TDP1: variants seen among roughly 807,000 people sequenced by gnomAD.
The protein encoded by TDP1 is tyr-DNA phosphodiesterase 1.
Under a neutral mutation model 81.5 loss-of-function variants are expected in TDP1, and 64 were observed. The observed-to-expected ratio is 0.79, with a 90% CI of 0.64 to 0.97. The LOEUF (loss-of-function observed/expected upper bound fraction) is 0.97, where lower values mean the gene tolerates loss of function less well. TDP1 is among the 50% of genes least tolerant of loss of function. TDP1 has a pLI of 0.00. For missense variants in TDP1, 723 were observed against 743.8 expected (o/e 0.97, Z 0.33); for synonymous variants, 256 against 264.3 (o/e 0.97, Z 0.30).
At chr14:89,989,632 AT>A (rs1443644963) in intron 11 of TDP1, 84 bp from the exon 12 acceptor site, 1 of 1,244,428 alleles carries the variant, frequency 8.0e-7, no homozygotes, top group Non-Finnish European at 1.2e-6. Flanking sequence ...TTTTTAACAG[AT>A]TTTCATTTCC....
At chr14:90,006,018 A>C (rs915129069) in intron 14 of TDP1, among the ~76,000 whole-genome samples, 1 of 152,220 alleles carries the variant, frequency 6.6e-6, no homozygotes, top group African/African-American at 2.4e-5. Context: ...GGTAGGCTGG[A>C]CTATGCCATC....
intron 2 of TDP1, among the ~76,000 whole-genome samples, chr14:89,960,775 C>T (rs1452256181): frequency 1.3e-5 from 2 of 152,158 alleles, no homozygotes; most frequent in Non-Finnish European, 2.9e-5. Context: ...TTACAGAAGG[C>T]TTGCTTAACT....
intron 14 of TDP1, among the ~76,000 whole-genome samples, chr14:90,018,697 G>A (rs1166383187): frequency 2.0e-5 from 3 of 151,852 alleles, no homozygotes; most frequent in Admixed American, 6.6e-5. Context: ...CGCCCGCCTC[G>A]GCCTCCCAAA....
intron 6 of TDP1, among the ~76,000 whole-genome samples, chr14:89,973,960 G>A (rs1893965155): frequency 6.6e-6 from 1 of 152,080 alleles, no homozygotes; most frequent in South Asian, 2.1e-4. Context: ...GGTAGCTCTT[G>A]TATAAGGACA....
chr14:90,006,354 T>A (rs1355121593), intron 14 of TDP1, among the ~76,000 whole-genome samples: 1 of 152,160 alleles, frequency 6.6e-6, no homozygotes, highest in Non-Finnish European at 1.5e-5. Flanking sequence ...TGCATCCTCT[T>A]AGTAGTTAAT....
chr14:89,981,446 A>G (rs1323351554), intron 8 of TDP1: 2 of 454,218 alleles, frequency 4.4e-6, no homozygotes, highest in Non-Finnish European at 8.8e-6. Flanking sequence ...ACTAACTTTA[A>G]TTTTCTTTTG....
At chr14:89,981,579 A>G (rs761292850) in intron 8 of TDP1, 3 of 433,108 alleles carry the variant, frequency 6.9e-6, no homozygotes, top group Non-Finnish European at 1.4e-5. Flanking sequence ...TTTCTCTGTC[A>G]TCCTCCTCTG....
chr14:89,980,891 A>AT (rs902808582), intron 8 of TDP1, among the ~76,000 whole-genome samples: 3 of 152,222 alleles, frequency 2.0e-5, no homozygotes, highest in African/African-American at 7.2e-5. Flanking sequence ...ATACATTACT[A>AT]TTTACACACA....
chr14:90,003,069 C>G (rs2140183596), intron 14 of TDP1, among the ~76,000 whole-genome samples: 1 of 152,224 alleles, frequency 6.6e-6, no homozygotes, highest in East Asian at 1.9e-4. Context: ...TCCCGAGTAG[C>G]TGGGACTACA....
intron 15 of TDP1, among the ~76,000 whole-genome samples, chr14:90,031,706 C>T (rs1056680736): frequency 6.6e-6 from 1 of 152,164 alleles, no homozygotes; most frequent in Non-Finnish European, 1.5e-5. Context: ...CACTCAACAT[C>T]TGTTTTAGTC....
In TDP1 at chr14:89,989,808, T is replaced by A. The variant is rs998251793; in HGVS notation, c.1366+43T>A. ...TGTCTTGATTGTGTTTTATGTATAT[T>A]TCATGAATGTCCTGGTAAAGTTTTA... is the stretch of plus-strand genomic sequence containing the variant. On this transcript the variant is annotated intron_variant, in intron 12 of 16. Transcript: ENST00000335725. The A allele has an allele frequency of 2.8e-6, 4 of 1,443,332 alleles. No individual in the cohort carries two copies. In the South Asian group the frequency reaches 4.6e-5, roughly 17 times the overall value. 89.4% of individuals were successfully genotyped at this position (1,443,332 alleles called of 1,614,324 possible).
At chr14:89,971,035 C>T in intron 5 of TDP1, 140 bp from the exon 6 acceptor site, 1 of 689,342 alleles carries the variant, frequency 1.5e-6, no homozygotes, top group East Asian at 3.1e-5. Flanking sequence ...GGGGTTTCAC[C>T]ATGTTGGCCA....
At chr14:89,960,565 T>C (rs1319940524) in intron 2 of TDP1, among the ~76,000 whole-genome samples, 2 of 152,190 alleles carry the variant, frequency 1.3e-5, no homozygotes, top group Admixed American at 1.3e-4. Flanking sequence ...AAAGCAGATA[T>C]GAGGGCTCAA....
In TDP1 at chr14:90,033,171, T is replaced by C; in HGVS notation, c.1710T>C (p.Phe570=). The change falls in exon 16 of 17, where the codon TTT becomes TTC. Residue 570 remains phenylalanine, a synonymous_variant. Transcript: ENST00000335725. ...FAGSQEPMAT[F]PVPYDLPPEL... is the part of the protein sequence containing the mutation. ...GCAGCCAGGAGCCAATGGCCACCTT[T>C]CCTGTGCCATATGATTTGCCTCCAG... 1 of 1,613,262 alleles carries C rather than the reference T, an allele frequency of 6.2e-7. No homozygotes were observed. Among genetic ancestry groups the C allele is most frequent in the Non-Finnish European group, 8.5e-7 (1 of 1,179,316 alleles).
At position 90,044,382 on chromosome 14, in the gene TDP1, T is replaced by C. The variant is rs1387359215; in HGVS notation, c.*1239T>C. Reference sequence around the variant, plus strand: ...GAGTGTCTTTGTGCTTTGTGTACATTGTGTTCTCCCTAGGGTGCTTTAGAC... The same window carrying C: ...GAGTGTCTTTGTGCTTTGTGTACATCGTGTTCTCCCTAGGGTGCTTTAGAC... On this transcript the variant is annotated 3_prime_UTR_variant, in exon 17 of 17. Transcript: ENST00000335725. 2.0e-5 allele frequency: 3 copies of C among 152,328 alleles called. No individual in the cohort carries two copies. In the East Asian group the frequency reaches 5.8e-4, roughly 29 times the overall value. 9.4% of individuals were successfully genotyped at this position (152,328 alleles called of 1,614,324 possible).
Position 90,004,089 on chromosome 14 carries a change from G to A in TDP1, c.1541+10606G>A, listed in dbSNP as rs73328411. Among the ~76,000 whole-genome samples the A allele has an allele frequency of 3.9e-3, 595 of 152,200 alleles. 2 individuals are homozygous for A. Among genetic ancestry groups the A allele is most frequent in the African/African-American group, 0.014 (573 of 41,532 alleles). ...ACAAATGATGGTTATCAGTACTAAC[G>A]CCTACAAGTGACTTCCTTTATACGA... On this transcript the variant is annotated intron_variant, in intron 14 of 16. Transcript: ENST00000335725.
intron 14 of TDP1, among the ~76,000 whole-genome samples, chr14:90,002,645 G>T (rs138684789): frequency 1.3e-4 from 20 of 151,686 alleles, no homozygotes; most frequent in Admixed American, 6.6e-4. Flanking sequence ...CAAGGCGATC[G>T]GATCACTTGC....
In TDP1 at chr14:89,991,693, A is replaced by G. The variant is rs1223140085; in HGVS notation, c.1367-224A>G. On this transcript the variant is annotated intron_variant, in intron 12 of 16. Transcript: ENST00000335725. ...CTTTTGCTTATAAGTCTGGATGTTT[A>G]TAAGATTTGCATAAAGTTAATACTG... 10 of 976,502 alleles carry G rather than the reference A, an allele frequency of 1.0e-5. No homozygotes were observed. In the Admixed American group the frequency reaches 1.8e-4, roughly 18 times the overall value. The allele number at this position is 976,502 out of a possible 1,614,324, so 60.5% of individuals were successfully genotyped here. A position where few individuals can be genotyped will look rare whatever the true frequency, so the allele number is the denominator to read the frequency against.
chr14:90,032,887 T>G, intron 15 of TDP1: 1 of 981,276 alleles, frequency 1.0e-6, no homozygotes, highest in Non-Finnish European at 1.2e-6. Flanking sequence ...TGCTATAACT[T>G]AATTCCTGAA....
Sources: allele counts gnomAD v4.1 joint callset (sites outside exome capture counted in the v4.1 genomes callset), GRCh38; gene constraint gnomAD v4.1.1; transcripts MANE v1.5; gene names NCBI Gene and HGNC (gene_info 2026-07-23, HGNC 2026-07-21).